NEDD8: variants seen among roughly 807,000 people sequenced by gnomAD.
NEDD8 encodes the protein NEDD8 ubiquitin like modifier.
Under a neutral mutation model 13.8 loss-of-function variants are expected in NEDD8, and 1 was observed. That is an observed-to-expected ratio of 0.07 (90% CI 0.03 to 0.34). The LOEUF (loss-of-function observed/expected upper bound fraction) is 0.34, where lower values mean the gene tolerates loss of function less well. NEDD8 is among the 10% of genes least tolerant of loss of function. NEDD8 has a pLI of 0.99. For synonymous variants in NEDD8, 31 were observed against 33.2 expected (o/e 0.93, Z 0.23); for missense variants, 10 against 95.2 (o/e 0.10, Z 3.73).
At chr14:24,224,461 A>C (rs987399175) in intron 1 of NEDD8, among the ~76,000 whole-genome samples, 1 of 152,098 alleles carries the variant, frequency 6.6e-6, no homozygotes, top group Non-Finnish European at 1.5e-5. Flanking sequence ...CTCCTAACTC[A>C]CTGGGATTAC....
intron 1 of NEDD8, among the ~76,000 whole-genome samples, chr14:24,220,161 T>G (rs2039781021): frequency 6.6e-6 from 1 of 152,190 alleles, no homozygotes; most frequent in South Asian, 2.1e-4. Context: ...CAGTGTACTT[T>G]ATTAATACTT....
chr14:24,227,299 T>A (rs556197581), intron 1 of NEDD8: 7 of 152,156 alleles, frequency 4.6e-5, no homozygotes, highest in Non-Finnish European at 1.0e-4. Flanking sequence ...GCCAAAGTAA[T>A]CTGCAATGAG....
At chr14:24,230,968 C>T (rs960739742) in intron 1 of NEDD8, among the ~76,000 whole-genome samples, 1 of 151,372 alleles carries the variant, frequency 6.6e-6, no homozygotes, top group Non-Finnish European at 1.5e-5. Context: ...CTGCTCACCG[C>T]GGCTTCGACA....
At chr14:24,220,914 C>A (rs1199509613) in intron 1 of NEDD8, among the ~76,000 whole-genome samples, 1 of 152,204 alleles carries the variant, frequency 6.6e-6, no homozygotes, top group Non-Finnish European at 1.5e-5. Context: ...CATATGGTTT[C>A]TCCTTATGGT....
chr14:24,229,350 G>A (rs1473716013), intron 1 of NEDD8, among the ~76,000 whole-genome samples: 2 of 152,172 alleles, frequency 1.3e-5, no homozygotes, highest in Non-Finnish European at 2.9e-5. Flanking sequence ...CTGTCAAGTG[G>A]CTGGGACTAC....
At chr14:24,225,707 T>C (rs962853934) in intron 1 of NEDD8, among the ~76,000 whole-genome samples, 2 of 152,206 alleles carry the variant, frequency 1.3e-5, no homozygotes, top group African/African-American at 4.8e-5. Context: ...TATCACACTG[T>C]AACCTGACAA....
At chr14:24,219,460 T>A (rs2039762838) in intron 1 of NEDD8, among the ~76,000 whole-genome samples, 1 of 111,852 alleles carries the variant, frequency 8.9e-6, no homozygotes, top group African/African-American at 3.5e-5. Flanking sequence ...TACTCCAGCC[T>A]GGGCAACACC....
At chr14:24,222,297 T>C (rs746595861) in intron 1 of NEDD8, among the ~76,000 whole-genome samples, 16 of 152,338 alleles carry the variant, frequency 1.1e-4, no homozygotes, top group Middle Eastern at 3.4e-3. Flanking sequence ...ATTTGTAATA[T>C]ATTAACAATA....
chr14:24,231,183 G>A (rs2040004997), intron 1 of NEDD8, among the ~76,000 whole-genome samples: 1 of 152,112 alleles, frequency 6.6e-6, no homozygotes, highest in African/African-American at 2.4e-5. Flanking sequence ...GAGCCACCGC[G>A]CCCAGCCTAT....
At chr14:24,219,454 C>CCA (rs1195759533) in intron 1 of NEDD8, among the ~76,000 whole-genome samples, 1 of 135,378 alleles carries the variant, frequency 7.4e-6, no homozygotes, top group East Asian at 2.2e-4. Context: ...CCACTGTACT[C>CCA]CAGCCTGGGC....
At chr14:24,225,182 A>AG (rs1204358246) in intron 1 of NEDD8, among the ~76,000 whole-genome samples, 2 of 151,486 alleles carry the variant, frequency 1.3e-5, no homozygotes, top group East Asian at 1.9e-4. Flanking sequence ...AAAAAAAAAA[A>AG]AAAAGAAAAA....
intron 1 of NEDD8, among the ~76,000 whole-genome samples, chr14:24,219,610 A>C (rs1358907536): frequency 2.0e-5 from 3 of 152,036 alleles, no homozygotes; most frequent in African/African-American, 7.2e-5. Context: ...CTTCTTCCGT[A>C]AGTTAAGGGC....
chr14:24,224,344 A>G (rs544023735), intron 1 of NEDD8, among the ~76,000 whole-genome samples: 2 of 152,120 alleles, frequency 1.3e-5, no homozygotes, highest in Non-Finnish European at 2.9e-5. Flanking sequence ...GATTACAGGC[A>G]TGAGCCACCA....
At chr14:24,222,329 G>A (rs976324820) in intron 1 of NEDD8, among the ~76,000 whole-genome samples, 1 of 152,098 alleles carries the variant, frequency 6.6e-6, no homozygotes, top group African/African-American at 2.4e-5. Context: ...TAACAAAAAA[G>A]TTATAGTATA....
At chr14:24,226,158 G>C (rs2039887194) in intron 1 of NEDD8, among the ~76,000 whole-genome samples, 1 of 151,730 alleles carries the variant, frequency 6.6e-6, no homozygotes, top group Non-Finnish European at 1.5e-5. Context: ...GTACAACCAA[G>C]AAACAATTAG....
At chr14:24,230,519 A>G (rs1421635471) in intron 1 of NEDD8, among the ~76,000 whole-genome samples, 1 of 102,860 alleles carries the variant, frequency 9.7e-6, no homozygotes, top group Admixed American at 1.3e-4. Context: ...TGGGCGACAG[A>G]GCGAGACTCT....
rs764891704 is a variant in NEDD8, at chr14:24,218,126, A to C, written c.149+7T>G. The C allele has an allele frequency of 6.2e-7, 1 of 1,613,882 alleles. No individual in the cohort carries two copies. The highest frequency in any genetic ancestry group is 8.5e-7 in the Non-Finnish European group (1 of 1,179,950). Reference sequence around the variant, plus strand: ...TCGCCATGCTGTCATTCTCACTCCAAACTCACATCTGCTTGCCACTGTAGA... The same window carrying C: ...TCGCCATGCTGTCATTCTCACTCCACACTCACATCTGCTTGCCACTGTAGA... On this transcript the variant is annotated splice_region_variant and intron_variant, in intron 3 of 3. Transcript: ENST00000250495.
intron 1 of NEDD8, among the ~76,000 whole-genome samples, chr14:24,225,612 C>T (rs1019730373): frequency 1.3e-5 from 2 of 152,040 alleles, no homozygotes; most frequent in African/African-American, 4.8e-5. Context: ...GTGCATACAC[C>T]CTTCTCTTTC....
intron 1 of NEDD8, among the ~76,000 whole-genome samples, chr14:24,221,342 T>C (rs8012143): frequency 0.99 from 149,780 of 150,820 alleles, 74,383 homozygotes; most frequent in Middle Eastern, 1. Flanking sequence ...AGTGCAATGG[T>C]GCAATCATGG....
Sources: allele counts gnomAD v4.1 joint callset (sites outside exome capture counted in the v4.1 genomes callset), GRCh38; gene constraint gnomAD v4.1.1; transcripts MANE v1.5; gene names NCBI Gene and HGNC (gene_info 2026-07-23, HGNC 2026-07-21).